The following SORD variants were observed in gnomAD, a reference collection of about 807,000 sequenced individuals.
The protein encoded by SORD is sorbitol dehydrogenase.
A neutral mutation model predicts 35.6 loss-of-function variants in SORD; 18 were observed. The ratio of observed to expected loss-of-function variants is 0.51; its 90% CI spans 0.35 to 0.75. The LOEUF is 0.75. SORD is among the 30% of genes least tolerant of loss of function. The pLI is 0.01. For synonymous variants in SORD, 106 were observed against 152.9 expected (o/e 0.69, Z 2.26); for missense variants, 250 against 390.2 (o/e 0.64, Z 3.03).
intron 4 of SORD, among the ~76,000 whole-genome samples, chr15:45,063,563 G>T (rs1366366201): frequency 1.3e-5 from 2 of 152,068 alleles, no homozygotes; most frequent in African/African-American, 2.4e-5. Context: ...TTTCCAACAC[G>T]GTTGGCTGTG....
At chr15:45,051,199 CTCTGTGG>C (rs1384081471) in intron 3 of SORD, among the ~76,000 whole-genome samples, 19 of 152,124 alleles carry the variant, frequency 1.2e-4, no homozygotes, top group African/African-American at 4.6e-4. Context: ...ATTTGGTTAT[CTCTGTGG>C]TTTACAATAA....
chr15:45,031,138 A>C (rs111854856), intron 1 of SORD, among the ~76,000 whole-genome samples: 31,003 of 150,312 alleles, frequency 0.21, 6 homozygotes, highest in African/African-American at 0.44. Flanking sequence ...CCAGCCTGGG[A>C]AAGACCTTGT....
intron 3 of SORD, among the ~76,000 whole-genome samples, chr15:45,049,096 G>C (rs1021318989): frequency 1.5e-4 from 23 of 152,174 alleles, no homozygotes; most frequent in Admixed American, 7.2e-4. Context: ...CTGATTACCC[G>C]AAGAACAGAG....
intron 7 of SORD, 58 bp downstream of exon 7, chr15:45,069,110 G>T (rs1433521875): frequency 1.6e-6 from 2 of 1,262,498 alleles, no homozygotes; most frequent in African/African-American, 3.1e-5. Context: ...GGAGGCAGAA[G>T]TAGGGAGTCA....
intron 1 of SORD, among the ~76,000 whole-genome samples, 162 bp from the exon 2 acceptor site, chr15:45,040,246 T>A (rs529209878): frequency 6.6e-6 from 1 of 152,088 alleles, no homozygotes; most frequent in East Asian, 1.9e-4. Context: ...CCATTTAGCG[T>A]ATCCCCTCAG....
At chr15:45,054,879 C>A (rs1390653037) in intron 3 of SORD, among the ~76,000 whole-genome samples, 1 of 151,678 alleles carries the variant, frequency 6.6e-6, no homozygotes, top group Non-Finnish European at 1.5e-5. Context: ...GCCAGTTTTC[C>A]CAGCACCATT....
intron 1 of SORD, chr15:45,036,138 A>G: frequency 3.2e-6 from 1 of 311,892 alleles, no homozygotes; most frequent in South Asian, 2.5e-5. Flanking sequence ...AGAAACTCCG[A>G]ACACATCCGA....
At chr15:45,032,586 G>A (rs1238782532) in intron 1 of SORD, among the ~76,000 whole-genome samples, 1 of 152,160 alleles carries the variant, frequency 6.6e-6, no homozygotes, top group Non-Finnish European at 1.5e-5. Context: ...TGGGGGTGTG[G>A]TGGCCACCAG....
intron 6 of SORD, among the ~76,000 whole-genome samples, chr15:45,068,498 A>C (rs1357485250): frequency 1.3e-5 from 2 of 151,214 alleles, no homozygotes; most frequent in African/African-American, 2.4e-5. Context: ...ATGGGGGTAT[A>C]TGAGGGTGTA....
intron 1 of SORD, among the ~76,000 whole-genome samples, chr15:45,030,747 A>C (rs753618924): frequency 6.6e-6 from 1 of 152,258 alleles, no homozygotes; most frequent in African/African-American, 2.4e-5. Flanking sequence ...GTCCTTAACT[A>C]TCCTGTGTGG....
Position 45,023,277 on chromosome 15 carries a change from G to A in SORD, c.-7G>A. Reference sequence around the variant, plus strand: ...TCCAGGCCGCACTCCAGAGCCAAAAGAGCTCCATGGCGGCGGCGGCCAAGC... The same window carrying A: ...TCCAGGCCGCACTCCAGAGCCAAAAAAGCTCCATGGCGGCGGCGGCCAAGC... On this transcript the variant is annotated 5_prime_UTR_variant, in exon 1 of 9. Transcript: ENST00000267814. 6.3e-7 allele frequency: 1 copy of A among 1,579,602 alleles called. No homozygotes were observed. Among genetic ancestry groups the A allele is most frequent in the South Asian group, 1.2e-5 (1 of 85,306 alleles).
At chr15:45,065,499 G>A (rs1457924190) in intron 5 of SORD, 110 bp downstream of exon 5, 1 of 1,485,594 alleles carries the variant, frequency 6.7e-7, no homozygotes, top group African/African-American at 1.4e-5. Flanking sequence ...GAATCCTTCT[G>A]GGTAAGGGAG....
intron 1 of SORD, among the ~76,000 whole-genome samples, chr15:45,029,978 T>C (rs796646419): frequency 0.21 from 30,926 of 150,188 alleles, no homozygotes; most frequent in African/African-American, 0.44. Flanking sequence ...GAAGACACCA[T>C]GCAAAGGTGG....
At chr15:45,031,014 AAC>A (rs1216760067) in intron 1 of SORD, among the ~76,000 whole-genome samples, 1 of 152,260 alleles carries the variant, frequency 6.6e-6, no homozygotes, top group Non-Finnish European at 1.5e-5. Flanking sequence ...AAATATATTC[AAC>A]ACACACAGGC....
At chr15:45,040,208 G>A (rs533025945) in intron 1 of SORD, among the ~76,000 whole-genome samples, 200 bp from the exon 2 acceptor site, 14 of 152,006 alleles carry the variant, frequency 9.2e-5, no homozygotes, top group South Asian at 4.2e-4. Context: ...GAAAAGTGAC[G>A]AAGGGCTAGG....
chr15:45,027,430 G>A (rs929294552), intron 1 of SORD, among the ~76,000 whole-genome samples: 3 of 152,262 alleles, frequency 2.0e-5, no homozygotes, highest in Admixed American at 1.3e-4. Context: ...GTTGTATGAG[G>A]ATTCAGTGGA....
chr15:45,055,071 A>G (rs1893193707), intron 3 of SORD, among the ~76,000 whole-genome samples: 1 of 152,092 alleles, frequency 6.6e-6, no homozygotes, highest in Non-Finnish European at 1.5e-5. Context: ...GTTTGAAGTC[A>G]GGTAGCGTGA....
At chr15:45,069,193 TC>T in intron 7 of SORD, 141 bp downstream of exon 7, 10 of 315,910 alleles carry the variant, frequency 3.2e-5, no homozygotes, top group Admixed American at 5.4e-5. Context: ...GTTTTCTTTT[TC>T]TTTTTTTTTT....
Position 45,033,463 on chromosome 15 carries a change from TG to T in SORD, c.67-6944del, listed in dbSNP as rs1326467196. On this transcript the variant is annotated intron_variant, in intron 1 of 8. Transcript: ENST00000267814. The stretch of plus-strand genomic sequence containing the variant: ...CTGTTTTTTATTTTTTGAATATTTT[TG>T]ACCTCAGGTTTGGTTGAATCCAGGA... Among the ~76,000 whole-genome samples, 10 of 147,280 alleles carry T rather than the reference TG, an allele frequency of 6.8e-5. No individual in the cohort carries two copies. The Admixed American group carries it at 6.9e-4, about 10-fold the overall frequency.
Sources: gnomAD v4.1 joint callset for allele counts (sites outside exome capture counted in the v4.1 genomes callset) on GRCh38, gnomAD v4.1.1 for gene constraint, MANE v1.5 for transcripts, NCBI Gene and HGNC (gene_info 2026-07-23, HGNC 2026-07-21) for gene names.